Variants in CTNNA3 observed in about 807,000 individuals in gnomAD.
The protein encoded by CTNNA3 is catenin alpha 3.
CTNNA3 carries 76 observed loss-of-function variants against 95.7 expected under a neutral mutation model. The ratio of observed to expected loss-of-function variants is 0.79; its 90% confidence interval spans 0.66 to 0.96. CTNNA3 has a LOEUF of 0.96. Among genes scored for constraint, CTNNA3 ranks in the 40% least tolerant of loss-of-function variants. CTNNA3 has a pLI of 0.00. For synonymous variants in CTNNA3, 431 were observed against 374.4 expected (o/e 1.15, Z -1.74); for missense variants, 1,191 against 1,089.8 (o/e 1.09, Z -1.31).
chr10:67,657,867 AAAGAC>A (rs1840070262), intron 1 of CTNNA3, among the ~76,000 whole-genome samples: 2 of 150,750 alleles, frequency 1.3e-5, no homozygotes, highest in Non-Finnish European at 1.5e-5. Flanking sequence ...AAAAAAAAAA[AAAGAC>A]AAGACAAGAA....
chr10:66,108,621 C>T (rs925494846), intron 13 of CTNNA3, among the ~76,000 whole-genome samples: 1 of 151,518 alleles, frequency 6.6e-6, no homozygotes, highest in Non-Finnish European at 1.5e-5. Flanking sequence ...CTTTTTTTGG[C>T]AGGTGGGTTA....
chr10:66,366,053 T>G (rs899798048), intron 12 of CTNNA3, among the ~76,000 whole-genome samples: 2 of 152,152 alleles, frequency 1.3e-5, no homozygotes, highest in African/African-American at 4.8e-5. Flanking sequence ...AAATGTTTGT[T>G]GTCTTAATTT....
intron 5 of CTNNA3, among the ~76,000 whole-genome samples, chr10:67,335,336 C>T (rs77029436): frequency 0.017 from 2,566 of 152,212 alleles, 67 homozygotes; most frequent in African/African-American, 0.058. Flanking sequence ...CAACCCTGAA[C>T]AGGAATAAGC....
At chr10:66,716,671 G>A (rs543543871) in intron 9 of CTNNA3, among the ~76,000 whole-genome samples, 1 of 152,248 alleles carries the variant, frequency 6.6e-6, no homozygotes. Context: ...ATGGGGCCCA[G>A]GACAAAGACC....
chr10:67,593,734 T>G (rs1308508908), intron 3 of CTNNA3, among the ~76,000 whole-genome samples: 1 of 152,180 alleles, frequency 6.6e-6, no homozygotes, highest in Non-Finnish European at 1.5e-5. Context: ...CTCTTCCTAC[T>G]TGGATACATT....
intron 13 of CTNNA3, among the ~76,000 whole-genome samples, chr10:66,203,319 T>A (rs1378318216): frequency 1.3e-5 from 2 of 152,170 alleles, no homozygotes; most frequent in African/African-American, 4.8e-5. Context: ...TGAGCAAGAT[T>A]GTAAGTATAA....
intron 11 of CTNNA3, among the ~76,000 whole-genome samples, chr10:66,510,323 A>T (rs1307767559): frequency 6.7e-6 from 1 of 150,342 alleles, no homozygotes; most frequent in East Asian, 1.9e-4. Context: ...ATTTATGAGA[A>T]CATGTTGTTT....
At chr10:65,948,358 C>T (rs1264842251) in intron 17 of CTNNA3, among the ~76,000 whole-genome samples, 1 of 151,478 alleles carries the variant, frequency 6.6e-6, no homozygotes, top group Non-Finnish European at 1.5e-5. Context: ...ATAGTAGGTG[C>T]TCAATGTCTA....
chr10:67,449,692 A>C (rs1005012511), intron 5 of CTNNA3, among the ~76,000 whole-genome samples: 1 of 152,178 alleles, frequency 6.6e-6, no homozygotes, highest in African/African-American at 2.4e-5. Flanking sequence ...TGTAAAATCC[A>C]AAACTATAAA....
intron 13 of CTNNA3, among the ~76,000 whole-genome samples, chr10:66,263,908 C>A (rs1354694609): frequency 6.6e-6 from 1 of 151,818 alleles, no homozygotes; most frequent in Non-Finnish European, 1.5e-5. Context: ...AATACACTTG[C>A]CTTAGTTTCT....
intron 1 of CTNNA3, among the ~76,000 whole-genome samples, chr10:67,694,652 G>A (rs1050151556): frequency 4.0e-5 from 6 of 151,854 alleles, no homozygotes; most frequent in African/African-American, 9.7e-5. Context: ...CACCACTGTA[G>A]AATAGGTAAT....
In CTNNA3 at chr10:66,852,582, GC is replaced by G. The variant is rs966569019; in HGVS notation, c.1048-77059del. 6.3e-4 allele frequency among the ~76,000 whole-genome samples: 96 copies of G among 152,096 alleles called. 11 individuals carry two copies. The highest frequency in any genetic ancestry group is 1.5e-5 in the Non-Finnish European group (1 of 68,004). On this transcript the variant is annotated intron_variant, in intron 7 of 17. Transcript: ENST00000433211. ...ATATTTAAATGGTATCATCTCCTTTGCAGTGACATAATATAAGCTAAACACT... is the reference window on the plus strand; with the variant it reads ...ATATTTAAATGGTATCATCTCCTTTGAGTGACATAATATAAGCTAAACACT...
intron 9 of CTNNA3, among the ~76,000 whole-genome samples, chr10:66,731,864 G>A (rs1287401729): frequency 6.6e-6 from 1 of 152,120 alleles, no homozygotes; most frequent in Admixed American, 6.5e-5. Flanking sequence ...CTAATGAATA[G>A]CTCCTGAGCT....
intron 3 of CTNNA3, among the ~76,000 whole-genome samples, chr10:67,562,858 G>C (rs1841576070): frequency 6.6e-6 from 1 of 152,110 alleles, no homozygotes; most frequent in African/African-American, 2.4e-5. Flanking sequence ...GACAAACAGA[G>C]AGCCAAATCA....
chr10:67,111,020 C>T (rs575622652), intron 7 of CTNNA3, among the ~76,000 whole-genome samples: 14 of 152,124 alleles, frequency 9.2e-5, no homozygotes, highest in South Asian at 4.1e-4. Flanking sequence ...AGGGAGTAAG[C>T]GAAGAACAGT....
chr10:67,705,856 C>T (rs1344452000), intron 1 of CTNNA3, among the ~76,000 whole-genome samples: 2 of 151,788 alleles, frequency 1.3e-5, no homozygotes, highest in Non-Finnish European at 2.9e-5. Context: ...GCGTAACCGA[C>T]ATACAGGTTC....
At chr10:67,711,612 T>C (rs907165026) in intron 1 of CTNNA3, among the ~76,000 whole-genome samples, 19 of 152,048 alleles carry the variant, frequency 1.2e-4, no homozygotes. Flanking sequence ...CTTTAAGTTT[T>C]AGGGTACATG....
At chr10:67,226,338 G>C (rs146814983) in intron 5 of CTNNA3, among the ~76,000 whole-genome samples, 78 of 152,282 alleles carry the variant, frequency 5.1e-4, no homozygotes, top group Non-Finnish European at 9.7e-4. Context: ...AGCCTTGCTA[G>C]AGACCTAGAC....
At chr10:67,506,392 C>T (rs1182965593) in intron 5 of CTNNA3, among the ~76,000 whole-genome samples, 1 of 152,110 alleles carries the variant, frequency 6.6e-6, no homozygotes, top group Non-Finnish European at 1.5e-5. Flanking sequence ...AAATAGCAAA[C>T]ATGAAATTGT....
Sources: gnomAD v4.1 joint callset for allele counts (sites outside exome capture counted in the v4.1 genomes callset) on GRCh38, gnomAD v4.1.1 for gene constraint, MANE v1.5 for transcripts, NCBI Gene and HGNC (gene_info 2026-07-23, HGNC 2026-07-21) for gene names.